Variants in CNTN1 observed in about 807,000 individuals in gnomAD.
CNTN1 encodes the protein contactin-1.
A neutral mutation model predicts 126.4 loss-of-function variants in CNTN1; 38 were observed. That is an observed-to-expected ratio of 0.30 (90% CI 0.23 to 0.39). The LOEUF (loss-of-function observed/expected upper bound fraction) is 0.39, where lower values mean the gene tolerates loss of function less well. Among genes scored for constraint, CNTN1 ranks in the 10% least tolerant of loss-of-function variants. The pLI is 1.00. For missense variants in CNTN1, 1,009 were observed against 1,248.4 expected, an observed-to-expected ratio of 0.81 and a Z score of 2.89; for synonymous variants, 413 against 422.6, an observed-to-expected ratio of 0.98 and a Z score of 0.28.
chr12:40,999,276 T>C (rs1440865199), intron 17 of CNTN1, among the ~76,000 whole-genome samples: 2 of 152,228 alleles, frequency 1.3e-5, no homozygotes, highest in Non-Finnish European at 2.9e-5. Context: ...TTTTTAACCG[T>C]TCACAGTAAA....
chr12:41,033,033 G>A (rs535419470), intron 23 of CNTN1, among the ~76,000 whole-genome samples: 42 of 152,176 alleles, frequency 2.8e-4, no homozygotes, highest in African/African-American at 1.0e-3. Context: ...TCCCCATTAG[G>A]TTCATGATTT....
chr12:40,720,824 G>T (rs1054118537), intron 1 of CNTN1, among the ~76,000 whole-genome samples: 1 of 151,934 alleles, frequency 6.6e-6, no homozygotes, highest in Admixed American at 6.6e-5. Flanking sequence ...AGCTACTCGG[G>T]AGGCTGAGGC....
At chr12:40,816,285 T>C (rs565781714) in intron 1 of CNTN1, among the ~76,000 whole-genome samples, 2 of 152,284 alleles carry the variant, frequency 1.3e-5, no homozygotes, top group East Asian at 3.9e-4. Flanking sequence ...GGTCCTGGGC[T>C]TTTTTTGGTT....
At chr12:40,941,498 T>C (rs978028256) in intron 12 of CNTN1, among the ~76,000 whole-genome samples, 1 of 152,116 alleles carries the variant, frequency 6.6e-6, no homozygotes, top group African/African-American at 2.4e-5. Context: ...TAAAGAGTGG[T>C]TTATATGATA....
chr12:40,970,184 G>A (rs952018811), intron 15 of CNTN1, among the ~76,000 whole-genome samples: 1 of 152,058 alleles, frequency 6.6e-6, no homozygotes, highest in Non-Finnish European at 1.5e-5. Flanking sequence ...CAAGGAAATG[G>A]CACCCCTCTC....
chr12:40,728,502 C>T (rs954362494), intron 1 of CNTN1, among the ~76,000 whole-genome samples: 1 of 152,120 alleles, frequency 6.6e-6, no homozygotes, highest in Non-Finnish European at 1.5e-5. Flanking sequence ...CTGTTAATAT[C>T]TCACTGGGTA....
intron 1 of CNTN1, among the ~76,000 whole-genome samples, chr12:40,702,466 CA>C (rs1400949545): frequency 2.0e-5 from 3 of 152,098 alleles, no homozygotes; most frequent in African/African-American, 7.2e-5. Flanking sequence ...CTCTTTGAGA[CA>C]GCGTTTCGCT....
chr12:41,016,168 A>G (rs748540428), intron 18 of CNTN1, among the ~76,000 whole-genome samples: 3 of 152,252 alleles, frequency 2.0e-5, no homozygotes, highest in Non-Finnish European at 4.4e-5. Context: ...AAAGAGGAAA[A>G]CAAAACTGAC....
chr12:41,047,705 C>A (rs1382194573), intron 23 of CNTN1, among the ~76,000 whole-genome samples: 1 of 152,032 alleles, frequency 6.6e-6, no homozygotes, highest in African/African-American at 2.4e-5. Context: ...ATGCCATTCT[C>A]TTTTATACTT....
chr12:41,068,805 T>G (rs1182181491), intron 23 of CNTN1, among the ~76,000 whole-genome samples: 4 of 152,194 alleles, frequency 2.6e-5, no homozygotes, highest in African/African-American at 9.7e-5. Flanking sequence ...TTTTTAGGTC[T>G]TCACTCATTC....
intron 23 of CNTN1, among the ~76,000 whole-genome samples, chr12:41,068,961 A>G (rs575745319): frequency 6.6e-6 from 1 of 152,316 alleles, no homozygotes; most frequent in East Asian, 1.9e-4. Flanking sequence ...ACTGCACTCC[A>G]GCCTGAGCAA....
chr12:40,835,678 G>T (rs1942020888), intron 1 of CNTN1, among the ~76,000 whole-genome samples: 1 of 152,058 alleles, frequency 6.6e-6, no homozygotes, highest in Non-Finnish European at 1.5e-5. Flanking sequence ...CTCAAGGGTT[G>T]TCTGAGTTAT....
At chr12:40,785,539 T>C (rs185423863) in intron 1 of CNTN1, among the ~76,000 whole-genome samples, 136 of 152,260 alleles carry the variant, frequency 8.9e-4, no homozygotes, top group South Asian at 3.5e-3. Context: ...TCATTAGTTC[T>C]TGTAGGTTTT....
intron 17 of CNTN1, among the ~76,000 whole-genome samples, chr12:40,994,155 A>G (rs763885186): frequency 3.9e-5 from 6 of 152,128 alleles, no homozygotes; most frequent in Non-Finnish European, 7.4e-5. Context: ...TCATTTTCTG[A>G]GATAAATAAT....
chr12:40,740,114 G>A (rs909697946), intron 1 of CNTN1, among the ~76,000 whole-genome samples: 2 of 152,030 alleles, frequency 1.3e-5, no homozygotes, highest in African/African-American at 4.8e-5. Flanking sequence ...ATAAATCTGA[G>A]TGATGAAAAA....
intron 1 of CNTN1, among the ~76,000 whole-genome samples, chr12:40,795,854 G>A (rs1383186968): frequency 1.3e-5 from 2 of 152,060 alleles, no homozygotes; most frequent in African/African-American, 4.8e-5. Flanking sequence ...TAGGCAATGT[G>A]CTAAGTGTTT....
chr12:40,886,470 C>T (rs1439098218), intron 1 of CNTN1, among the ~76,000 whole-genome samples: 2 of 152,082 alleles, frequency 1.3e-5, no homozygotes, highest in African/African-American at 2.4e-5. Flanking sequence ...GATATTAGCC[C>T]TTTGTCAGAG....
chr12:40,830,832 T>TATATACAC (rs1555165566), intron 1 of CNTN1, among the ~76,000 whole-genome samples: 1 of 88,694 alleles, frequency 1.1e-5, no homozygotes, highest in Non-Finnish European at 2.2e-5. Context: ...TATATATATA[T>TATATACAC]ATACTCTTTA....
At chr12:40,889,890 T>A (rs1348589362) in intron 1 of CNTN1, among the ~76,000 whole-genome samples, 1 of 152,144 alleles carries the variant, frequency 6.6e-6, no homozygotes, top group South Asian at 2.1e-4. Context: ...TTGGAGTCAA[T>A]AATAGTTACC....
Sources: gnomAD v4.1 joint callset for allele counts (sites outside exome capture counted in the v4.1 genomes callset) on GRCh38, gnomAD v4.1.1 for gene constraint, MANE v1.5 for transcripts, NCBI Gene and HGNC (gene_info 2026-07-23, HGNC 2026-07-21) for gene names.